The following TTC28 variants were observed in gnomAD, a reference collection of about 807,000 sequenced individuals.
The protein encoded by TTC28 is tetratricopeptide repeat domain 28.
TTC28 carries 61 observed loss-of-function variants against 198.0 expected under a neutral mutation model. The ratio of observed to expected loss-of-function variants is 0.31; its 90% CI spans 0.25 to 0.38. The LOEUF is 0.38. Among genes scored for constraint, TTC28 ranks in the 10% least tolerant of loss-of-function variants. The pLI is 1.00. For synonymous variants in TTC28, 1,171 were observed against 1,297.8 expected, an observed-to-expected ratio of 0.90 and a Z score of 2.10; for missense variants, 2,678 against 3,164.0, an observed-to-expected ratio of 0.85 and a Z score of 3.69.
At chr22:28,233,437 A>G (rs1452512831) in intron 5 of TTC28, among the ~76,000 whole-genome samples, 1 of 152,214 alleles carries the variant, frequency 6.6e-6, no homozygotes, top group Non-Finnish European at 1.5e-5. Flanking sequence ...TATTATTTAT[A>G]CACTCTTCTA....
chr22:28,635,028 G>C (rs2051245245), intron 1 of TTC28, among the ~76,000 whole-genome samples: 1 of 152,176 alleles, frequency 6.6e-6, no homozygotes, highest in Non-Finnish European at 1.5e-5. Context: ...AGTTAGAATA[G>C]TACTCCGTAA....
intron 5 of TTC28, among the ~76,000 whole-genome samples, chr22:28,183,226 A>C (rs1923875111): frequency 6.6e-6 from 1 of 152,032 alleles, no homozygotes; most frequent in South Asian, 2.1e-4. Context: ...TGCCAAGCTA[A>C]TATTTTTATT....
intron 2 of TTC28, among the ~76,000 whole-genome samples, chr22:28,477,607 A>C (rs1372340806): frequency 2.0e-5 from 3 of 152,200 alleles, no homozygotes; most frequent in African/African-American, 4.8e-5. Flanking sequence ...GGAAAAGAAA[A>C]TCATTTACAT....
intron 2 of TTC28, among the ~76,000 whole-genome samples, chr22:28,319,186 A>T (rs2045404657): frequency 6.6e-6 from 1 of 152,092 alleles, no homozygotes; most frequent in South Asian, 2.1e-4. Flanking sequence ...TTTTGGGCGT[A>T]TATTTTTGCC....
intron 5 of TTC28, among the ~76,000 whole-genome samples, chr22:28,168,164 A>G (rs575381265): frequency 3.3e-5 from 5 of 152,216 alleles, no homozygotes; most frequent in African/African-American, 1.2e-4. Context: ...GCTCAATGAA[A>G]CAAAAGAGGG....
At chr22:28,287,604 G>C (rs1877896123) in intron 5 of TTC28, among the ~76,000 whole-genome samples, 1 of 152,124 alleles carries the variant, frequency 6.6e-6, no homozygotes, top group Non-Finnish European at 1.5e-5. Context: ...CAAAGGTACA[G>C]AAGGGTAAAA....
intron 6 of TTC28, among the ~76,000 whole-genome samples, chr22:28,152,791 G>A (rs781584900): frequency 5.3e-5 from 8 of 152,046 alleles, no homozygotes; most frequent in African/African-American, 9.7e-5. Flanking sequence ...GCCTCTTTCC[G>A]TAGAAAGATT....
intron 2 of TTC28, among the ~76,000 whole-genome samples, chr22:28,371,770 C>T (rs1472773539): frequency 3.4e-5 from 5 of 145,796 alleles, no homozygotes; most frequent in Non-Finnish European, 6.0e-5. Context: ...TTTGTAGAGA[C>T]GGGGTTTCAC....
At chr22:28,643,505 C>T (rs1248224883) in intron 1 of TTC28, among the ~76,000 whole-genome samples, 1 of 152,166 alleles carries the variant, frequency 6.6e-6, no homozygotes. Flanking sequence ...ACTTCTCAAA[C>T]GTTTCCTTAA....
At chr22:28,401,187 A>AGGG (rs965059311) in intron 2 of TTC28, among the ~76,000 whole-genome samples, 4 of 148,232 alleles carry the variant, frequency 2.7e-5, no homozygotes, top group African/African-American at 1.0e-4. Flanking sequence ...AAGGAAAAGG[A>AGGG]GGGGGGGAGG....
intron 2 of TTC28, among the ~76,000 whole-genome samples, chr22:28,441,943 A>G (rs2042099182): frequency 6.6e-6 from 1 of 151,834 alleles, no homozygotes; most frequent in African/African-American, 2.4e-5. Flanking sequence ...TTCGCCTAAC[A>G]GTTAGGGGCA....
intron 5 of TTC28, among the ~76,000 whole-genome samples, chr22:28,254,509 G>T (rs1003475713): frequency 1.3e-5 from 2 of 150,650 alleles, no homozygotes; most frequent in African/African-American, 4.9e-5. Context: ...AAAAAAGTCT[G>T]GTTAGATAAG....
intron 12 of TTC28, among the ~76,000 whole-genome samples, chr22:28,040,085 G>GA (rs1267898470): frequency 6.6e-6 from 1 of 152,158 alleles, no homozygotes; most frequent in Non-Finnish European, 1.5e-5. Flanking sequence ...TGAAATTGAG[G>GA]AAATAACCCA....
At chr22:28,046,912 T>C (rs1181826646) in intron 12 of TTC28, among the ~76,000 whole-genome samples, 1 of 152,192 alleles carries the variant, frequency 6.6e-6, no homozygotes, top group East Asian at 1.9e-4. Context: ...ATGCAATAAA[T>C]ATCAGATACA....
At chr22:28,422,470 G>C (rs919585259) in intron 2 of TTC28, among the ~76,000 whole-genome samples, 1 of 149,440 alleles carries the variant, frequency 6.7e-6, no homozygotes, top group Middle Eastern at 3.4e-3. Context: ...ACGGAGTCTC[G>C]CTCTGTCGCC....
chr22:28,349,393 T>G (rs1340979255), intron 2 of TTC28, among the ~76,000 whole-genome samples: 1 of 152,218 alleles, frequency 6.6e-6, no homozygotes, highest in East Asian at 1.9e-4. Flanking sequence ...TTGCTCAGTA[T>G]AGTCACTGAT....
chr22:28,150,119 A>C (rs1943572563), intron 6 of TTC28, among the ~76,000 whole-genome samples: 1 of 152,214 alleles, frequency 6.6e-6, no homozygotes, highest in African/African-American at 2.4e-5. Context: ...TAAGCCTTTA[A>C]ATAGAGTATA....
intron 2 of TTC28, among the ~76,000 whole-genome samples, chr22:28,628,880 C>A (rs1345672627): frequency 6.6e-6 from 1 of 151,194 alleles, no homozygotes; most frequent in Non-Finnish European, 1.5e-5. Context: ...TGCACTCCAG[C>A]CTTGGTGACA....
chr22:28,048,235 T>A (rs2146695649), intron 12 of TTC28, among the ~76,000 whole-genome samples: 1 of 152,230 alleles, frequency 6.6e-6, no homozygotes, highest in Non-Finnish European at 1.5e-5. Flanking sequence ...CCCTGTAAAG[T>A]GCAAGATGCT....
Sources: gnomAD v4.1 joint callset for allele counts (sites outside exome capture counted in the v4.1 genomes callset) on GRCh38, gnomAD v4.1.1 for gene constraint, MANE v1.5 for transcripts, NCBI Gene and HGNC (gene_info 2026-07-23, HGNC 2026-07-21) for gene names.